Variants in NEK10 observed in about 807,000 individuals in gnomAD.
The protein encoded by NEK10 is serine/threonine-protein kinase Nek10.
In NEK10, 122 loss-of-function variants were observed where a neutral mutation model predicts 159.8. The observed-to-expected ratio is 0.76, with a 90% CI of 0.66 to 0.89. The LOEUF is 0.89. NEK10 is among the 40% of genes least tolerant of loss of function. The pLI is 0.00. For synonymous variants in NEK10, 466 were observed against 457.1 expected, an observed-to-expected ratio of 1.02 and a Z score of -0.25; for missense variants, 1,342 against 1,323.1, an observed-to-expected ratio of 1.01 and a Z score of -0.22.
chr3:27,289,482 G>A (rs901292786), intron 19 of NEK10, among the ~76,000 whole-genome samples: 1 of 152,196 alleles, frequency 6.6e-6, no homozygotes, highest in African/African-American at 2.4e-5. Context: ...TCTGACCCTA[G>A]TTTGACAGTT....
In NEK10 at chr3:27,137,843, G is replaced by C. The variant is rs186942861; in HGVS notation, c.2970+3639C>G. 3.6e-4 allele frequency among the ~76,000 whole-genome samples: 55 copies of C among 152,300 alleles called. No individual in the cohort carries two copies. In the East Asian group the frequency reaches 8.9e-3, roughly 25 times the overall value. Reference sequence around the variant, plus strand: ...AGCCCCAGGCTTAAAGACTACCCAGGCTAAAGGGAAAGCAAGGAGAACTCA... The same window carrying C: ...AGCCCCAGGCTTAAAGACTACCCAGCCTAAAGGGAAAGCAAGGAGAACTCA... On this transcript the variant is annotated intron_variant, in intron 31 of 35. Coordinates refer to ENST00000691995, the MANE Select transcript of NEK10 (RefSeq NM_001394966.1).
At chr3:27,257,962 TA>T (rs940145777) in intron 22 of NEK10, among the ~76,000 whole-genome samples, 1 of 151,698 alleles carries the variant, frequency 6.6e-6, no homozygotes, top group African/African-American at 2.4e-5. Flanking sequence ...CTAATTTTTT[TA>T]TTTTTTGTAT....
At chr3:27,338,382 T>C (rs1014556653) in intron 5 of NEK10, among the ~76,000 whole-genome samples, 3 of 152,226 alleles carry the variant, frequency 2.0e-5, no homozygotes, top group Non-Finnish European at 2.9e-5. Context: ...TTGTGAATAG[T>C]GCCGCAATAA....
chr3:27,280,718 A>T (rs1575572550), intron 22 of NEK10, among the ~76,000 whole-genome samples: 1 of 152,214 alleles, frequency 6.6e-6, no homozygotes, highest in Non-Finnish European at 1.5e-5. Flanking sequence ...TGGAACTCGC[A>T]GTGCTTCTGA....
chr3:27,179,563 T>C (rs1232645233), intron 26 of NEK10, among the ~76,000 whole-genome samples: 3 of 152,200 alleles, frequency 2.0e-5, no homozygotes, highest in Non-Finnish European at 2.9e-5. Flanking sequence ...ATACAGGTTT[T>C]CTAGAAGGAA....
At chr3:27,314,386 G>A (rs1396630160) in intron 6 of NEK10, 48 bp from the exon 7 acceptor site, 2 of 1,145,996 alleles carry the variant, frequency 1.7e-6, no homozygotes, top group Non-Finnish European at 2.6e-6. Context: ...GAGGGTGGAG[G>A]GGGAAGTATA....
At chr3:27,366,252 A>T (rs1267536284) in intron 1 of NEK10, among the ~76,000 whole-genome samples, 1 of 152,168 alleles carries the variant, frequency 6.6e-6, no homozygotes, top group African/African-American at 2.4e-5. Context: ...TGCCAATCCC[A>T]TATCTAGGAT....
chr3:27,240,068 T>G (rs896087829), intron 23 of NEK10, among the ~76,000 whole-genome samples: 30 of 152,334 alleles, frequency 2.0e-4, no homozygotes, highest in Non-Finnish European at 4.1e-4. Context: ...TCTCTAATCC[T>G]ACTGTTTTAT....
At chr3:27,192,302 G>A (rs1301617306) in intron 25 of NEK10, 60 bp from the exon 26 acceptor site, 2 of 1,293,220 alleles carry the variant, frequency 1.5e-6, no homozygotes, top group East Asian at 2.3e-5. Context: ...GCCACAGAGT[G>A]TAAAGGGTCA....
intron 29 of NEK10, among the ~76,000 whole-genome samples, chr3:27,168,256 G>GA (rs200895276): frequency 5.4e-4 from 76 of 139,948 alleles, no homozygotes; most frequent in East Asian, 3.3e-3. Context: ...CACAGAATAG[G>GA]AAAAAAAAAA....
intron 26 of NEK10, among the ~76,000 whole-genome samples, chr3:27,190,228 T>C (rs11928525): frequency 0.23 from 34,731 of 152,112 alleles, 4,286 homozygotes; most frequent in Middle Eastern, 0.38. Context: ...CCTCCCTTGG[T>C]TTCAGAGCTT....
chr3:27,199,079 AAAAAAAAAC>A (rs1227937330), intron 25 of NEK10, among the ~76,000 whole-genome samples: 4 of 150,014 alleles, frequency 2.7e-5, no homozygotes, highest in Non-Finnish European at 5.9e-5. Flanking sequence ...TCTCAAAAAA[AAAAAAAAAC>A]AAAAAAAGAC....
intron 23 of NEK10, among the ~76,000 whole-genome samples, chr3:27,207,501 TGGGACACAGTGA>T (rs1408387828): frequency 2.0e-5 from 3 of 152,152 alleles, no homozygotes; most frequent in African/African-American, 7.2e-5. Flanking sequence ...TCAAGGAGTT[TGGGACACAGTGA>T]GGGCTAAATT....
At chr3:27,353,710 T>C (rs546638547) in intron 1 of NEK10, among the ~76,000 whole-genome samples, 36 of 152,258 alleles carry the variant, frequency 2.4e-4, no homozygotes, top group African/African-American at 8.2e-4. Context: ...ACACCACCTC[T>C]TTCATTCAAC....
At chr3:27,145,041 A>G (rs1944161868) in intron 30 of NEK10, among the ~76,000 whole-genome samples, 1 of 152,132 alleles carries the variant, frequency 6.6e-6, no homozygotes, top group Non-Finnish European at 1.5e-5. Flanking sequence ...GGCAAATGTT[A>G]GCCATAACAT....
chr3:27,342,668 T>G (rs767501617), intron 5 of NEK10, among the ~76,000 whole-genome samples: 6 of 152,196 alleles, frequency 3.9e-5, no homozygotes, highest in South Asian at 2.1e-4. Context: ...ACTTTAGAAT[T>G]GTTGAGATCT....
chr3:27,155,108 T>C (rs1420877270), intron 30 of NEK10, among the ~76,000 whole-genome samples: 1 of 152,200 alleles, frequency 6.6e-6, no homozygotes, highest in Non-Finnish European at 1.5e-5. Flanking sequence ...ATTTTCTAGA[T>C]ACAAGATTAA....
intron 23 of NEK10, among the ~76,000 whole-genome samples, chr3:27,208,296 C>A (rs1262608849): frequency 6.6e-6 from 1 of 152,110 alleles, no homozygotes; most frequent in East Asian, 1.9e-4. Context: ...CATAGCTTAG[C>A]AGAGAAGACA....
intron 23 of NEK10, among the ~76,000 whole-genome samples, chr3:27,247,045 A>AATATAAG (rs1341994682): frequency 6.6e-6 from 1 of 152,140 alleles, no homozygotes; most frequent in Non-Finnish European, 1.5e-5. Context: ...GGTTTTTCCA[A>AATATAAG]ATATAAGATC....
Sources: gnomAD v4.1 joint callset for allele counts (sites outside exome capture counted in the v4.1 genomes callset) on GRCh38, gnomAD v4.1.1 for gene constraint, MANE v1.5 for transcripts, NCBI Gene and HGNC (gene_info 2026-07-23, HGNC 2026-07-21) for gene names.